The following COLEC11 variants were observed in gnomAD, a reference collection of about 807,000 sequenced individuals.
COLEC11 encodes collectin-11.
Under a neutral mutation model 27.3 loss-of-function variants are expected in COLEC11, and 20 were observed. That is an observed-to-expected ratio of 0.73 (90% confidence interval 0.51 to 1.06). The LOEUF (loss-of-function observed/expected upper bound fraction) is 1.06. COLEC11 is among the 50% of genes least tolerant of loss of function. COLEC11 has a pLI of 0.00. For synonymous variants in COLEC11, 163 were observed against 154.7 expected (o/e 1.05, Z -0.40); for missense variants, 310 against 383.0 (o/e 0.81, Z 1.59).
At chr2:3,614,216 A>G (rs146825761) in intron 3 of COLEC11, among the ~76,000 whole-genome samples, 8 of 152,056 alleles carry the variant, frequency 5.3e-5, no homozygotes, top group Non-Finnish European at 1.2e-4. Flanking sequence ...GCCTCAAGTA[A>G]TACATTTTTT....
Position 3,643,518 on chromosome 2 carries a change from G to C in COLEC11, c.403G>C (p.Glu135Gln). 1 of 1,613,878 alleles carries C rather than the reference G, an allele frequency of 6.2e-7. No homozygotes were observed. The highest frequency in any genetic ancestry group is 1.3e-5 in the African/African-American group (1 of 75,052). The change falls in exon 6 of 7, where the codon GAG becomes CAG. Residue 135 changes from glutamate (E) to glutamine (Q), a missense_variant. Transcript: ENST00000349077. ...MDNQVSQLTS[E>Q]LKFIKNAVAG... ...CAACCAGGTCTCTCAGCTGACCAGC[G>C]AGCTCAAGTTCATCAAGAATGGTAT...
intron 3 of COLEC11, among the ~76,000 whole-genome samples, chr2:3,631,378 G>A (rs4423609): frequency 0.64 from 97,800 of 152,166 alleles, 33,312 homozygotes; most frequent in East Asian, 0.86. Flanking sequence ...TCTTTGTGGA[G>A]GGCCAAAGAA....
chr2:3,595,736 C>T (rs1661797529), intron 1 of COLEC11, among the ~76,000 whole-genome samples: 1 of 152,178 alleles, frequency 6.6e-6, no homozygotes, highest in Non-Finnish European at 1.5e-5. Flanking sequence ...GTCATCTTGT[C>T]TCCAAAATTG....
At chr2:3,604,262 T>C (rs894717848) in intron 1 of COLEC11, 53 bp from the exon 2 acceptor site, 2 of 1,604,720 alleles carry the variant, frequency 1.2e-6, no homozygotes, top group Non-Finnish European at 1.7e-6. Context: ...TCACTGTCAC[T>C]GGCTGCCCGG....
chr2:3,605,274 C>T (rs62107195), intron 2 of COLEC11, among the ~76,000 whole-genome samples: 89,477 of 133,828 alleles, frequency 0.67, 30,223 homozygotes, highest in South Asian at 0.85. Flanking sequence ...TCCAGGCCGC[C>T]GCTGAGGGGA....
intron 3 of COLEC11, among the ~76,000 whole-genome samples, chr2:3,621,666 A>G (rs1664197039): frequency 6.6e-6 from 1 of 152,088 alleles, no homozygotes; most frequent in Non-Finnish European, 1.5e-5. Flanking sequence ...TTTCTGTAGT[A>G]GTATGCATTG....
intron 5 of COLEC11, among the ~76,000 whole-genome samples, chr2:3,643,130 C>T (rs1010978393): frequency 1.3e-5 from 2 of 152,324 alleles, no homozygotes; most frequent in Non-Finnish European, 2.9e-5. Flanking sequence ...TCTCACTGCA[C>T]GCCCTCAGCC....
At chr2:3,631,207 C>T (rs569792708) in intron 3 of COLEC11, among the ~76,000 whole-genome samples, 1 of 150,710 alleles carries the variant, frequency 6.6e-6, no homozygotes, top group East Asian at 2.0e-4. Context: ...CTCCAGCCTG[C>T]ACGACAGAGC....
chr2:3,601,501 C>T (rs1167586662), intron 1 of COLEC11, among the ~76,000 whole-genome samples: 3 of 152,114 alleles, frequency 2.0e-5, no homozygotes, highest in Non-Finnish European at 4.4e-5. Context: ...GCCATGTTGC[C>T]CAGGCTGATC....
chr2:3,616,823 G>T (rs1325628833), intron 3 of COLEC11, among the ~76,000 whole-genome samples: 1 of 151,318 alleles, frequency 6.6e-6, no homozygotes, highest in East Asian at 1.9e-4. Flanking sequence ...AGACTGTGGG[G>T]AGAGGGAGAG....
chr2:3,618,118 A>G (rs920608302), intron 3 of COLEC11, among the ~76,000 whole-genome samples: 6 of 152,176 alleles, frequency 3.9e-5, no homozygotes, highest in African/African-American at 1.2e-4. Flanking sequence ...ATGGTTTGCA[A>G]ATACTGTCTT....
chr2:3,618,977 G>T (rs544640060), intron 3 of COLEC11, among the ~76,000 whole-genome samples: 1 of 152,258 alleles, frequency 6.6e-6, no homozygotes, highest in Non-Finnish European at 1.5e-5. Flanking sequence ...CATTGTTAGT[G>T]TATAGAAATG....
At chr2:3,612,342 T>C (rs1663273074) in intron 2 of COLEC11, among the ~76,000 whole-genome samples, 1 of 152,058 alleles carries the variant, frequency 6.6e-6, no homozygotes, top group Admixed American at 6.6e-5. Context: ...AATACGGCCT[T>C]ATAAAAATGA....
At chr2:3,634,235 G>A (rs1026696166) in intron 3 of COLEC11, among the ~76,000 whole-genome samples, 42 of 152,334 alleles carry the variant, frequency 2.8e-4, no homozygotes, top group East Asian at 1.4e-3. Context: ...TCCAGGGTAC[G>A]TCCTGGGGAA....
intron 3 of COLEC11, among the ~76,000 whole-genome samples, chr2:3,626,481 T>C (rs951433511): frequency 6.6e-6 from 1 of 152,230 alleles, no homozygotes; most frequent in Admixed American, 6.5e-5. Flanking sequence ...AATGGAAGGA[T>C]AGACGCACAA....
intron 3 of COLEC11, among the ~76,000 whole-genome samples, chr2:3,621,856 AT>A (rs1315589027): frequency 6.6e-6 from 1 of 152,126 alleles, no homozygotes; most frequent in Non-Finnish European, 1.5e-5. Context: ...TGATATCACA[AT>A]TTACATCTTT....
intron 3 of COLEC11, chr2:3,617,551 C>T (rs1228060199): frequency 1.7e-5 from 27 of 1,592,142 alleles, no homozygotes; most frequent in Admixed American, 1.0e-4. Context: ...CGCCTCACTA[C>T]GATTTGCCTG....
At chr2:3,605,816 C>T (rs1474308136) in intron 2 of COLEC11, 2 of 359,820 alleles carry the variant, frequency 5.6e-6, no homozygotes, top group African/African-American at 2.1e-5. Context: ...AAAGGTCAGC[C>T]CTCTCCCGGG....
chr2:3,608,485 C>G (rs1289501400), intron 2 of COLEC11, among the ~76,000 whole-genome samples: 1 of 152,154 alleles, frequency 6.6e-6, no homozygotes, highest in Non-Finnish European at 1.5e-5. Flanking sequence ...CAGGGACATA[C>G]ATCTTTATGA....
Sources: gnomAD v4.1 joint callset for allele counts (sites outside exome capture counted in the v4.1 genomes callset) on GRCh38, gnomAD v4.1.1 for gene constraint, MANE v1.5 for transcripts, NCBI Gene and HGNC (gene_info 2026-07-23, HGNC 2026-07-21) for gene names.